CPNE4: variants seen among roughly 807,000 people sequenced by gnomAD.
CPNE4 encodes the protein copine-4.
A neutral mutation model predicts 67.9 loss-of-function variants in CPNE4; 25 were observed. That is an observed-to-expected ratio of 0.37 (90% CI 0.27 to 0.51). The LOEUF is 0.51. Among genes scored for constraint, CPNE4 ranks in the 20% least tolerant of loss-of-function variants. CPNE4 has a pLI of 0.93. For missense variants in CPNE4, 464 were observed against 690.8 expected (o/e 0.67, Z 3.68); for synonymous variants, 242 against 244.9 (o/e 0.99, Z 0.11).
At chr3:131,793,776 G>C (rs57409410) in intron 2 of CPNE4, among the ~76,000 whole-genome samples, 51,835 of 152,006 alleles carry the variant, frequency 0.34, 9,415 homozygotes, top group African/African-American at 0.45. Context: ...TTAAAGAGAA[G>C]AGAGTCAGAG....
chr3:131,781,864 C>A (rs1031460848), intron 2 of CPNE4, among the ~76,000 whole-genome samples: 2 of 151,988 alleles, frequency 1.3e-5, no homozygotes, highest in Non-Finnish European at 2.9e-5. Flanking sequence ...CACACAAAAA[C>A]CTCACCACCC....
chr3:131,906,170 A>G (rs1178063488), intron 1 of CPNE4, among the ~76,000 whole-genome samples: 3 of 151,662 alleles, frequency 2.0e-5, no homozygotes, highest in Non-Finnish European at 4.4e-5. Context: ...CCCCCTGCCC[A>G]TTTCCATGTG....
chr3:131,613,966 G>A (rs959502006), intron 7 of CPNE4, among the ~76,000 whole-genome samples: 2 of 152,176 alleles, frequency 1.3e-5, no homozygotes, highest in Non-Finnish European at 1.5e-5. Flanking sequence ...TTAATTAAGA[G>A]TTTGGTGGAT....
intron 2 of CPNE4, among the ~76,000 whole-genome samples, chr3:131,897,062 G>C (rs2088366841): frequency 6.6e-6 from 1 of 152,072 alleles, no homozygotes; most frequent in African/African-American, 2.4e-5. Context: ...CATGGTTTTA[G>C]ATGAGGACAT....
chr3:131,645,559 A>C (rs1432735204), intron 7 of CPNE4, among the ~76,000 whole-genome samples: 1 of 152,224 alleles, frequency 6.6e-6, no homozygotes, highest in African/African-American at 2.4e-5. Context: ...CCAGAGAAGT[A>C]AAGTATTTTA....
intron 7 of CPNE4, among the ~76,000 whole-genome samples, chr3:131,664,791 C>T (rs1440047146): frequency 2.0e-5 from 3 of 152,026 alleles, no homozygotes; most frequent in African/African-American, 7.2e-5. Flanking sequence ...TTATAAGGGC[C>T]TTATAAACTC....
chr3:131,821,042 C>A (rs1003562817), intron 2 of CPNE4, among the ~76,000 whole-genome samples: 2 of 152,144 alleles, frequency 1.3e-5, no homozygotes, highest in African/African-American at 4.8e-5. Context: ...ATGCCAAAAT[C>A]TTCCCACATT....
At chr3:131,542,829 G>T (rs1935583475) in intron 14 of CPNE4, 36 bp from the exon 15 acceptor site, 2 of 1,412,786 alleles carry the variant, frequency 1.4e-6, no homozygotes, top group South Asian at 1.2e-5. Flanking sequence ...GGGGGGGGGT[G>T]AAGAGGTGAG....
chr3:131,885,059 T>C (rs952178955), intron 2 of CPNE4, among the ~76,000 whole-genome samples: 1 of 152,190 alleles, frequency 6.6e-6, no homozygotes, highest in Non-Finnish European at 1.5e-5. Context: ...TGGAACAATT[T>C]GGAGTGCTCA....
At chr3:131,876,386 T>C (rs1322242555) in intron 2 of CPNE4, among the ~76,000 whole-genome samples, 1 of 151,996 alleles carries the variant, frequency 6.6e-6, no homozygotes, top group African/African-American at 2.4e-5. Context: ...CTCACGCCTG[T>C]AATCCCAGCA....
At chr3:131,984,288 T>C (rs1266996342) in intron 1 of CPNE4, among the ~76,000 whole-genome samples, 1 of 152,220 alleles carries the variant, frequency 6.6e-6, no homozygotes, top group Non-Finnish European at 1.5e-5. Context: ...TCTTTTATCA[T>C]ATTAGAATTT....
chr3:131,961,730 T>G (rs1252757376), intron 1 of CPNE4, among the ~76,000 whole-genome samples: 1 of 152,086 alleles, frequency 6.6e-6, no homozygotes, highest in Non-Finnish European at 1.5e-5. Flanking sequence ...GGGCTCATGG[T>G]CCCACATTAC....
At chr3:131,846,150 A>C (rs2085988459) in intron 2 of CPNE4, among the ~76,000 whole-genome samples, 1 of 152,186 alleles carries the variant, frequency 6.6e-6, no homozygotes, top group African/African-American at 2.4e-5. Flanking sequence ...AAAATTTCCT[A>C]TATGTAAAAA....
chr3:131,865,713 T>C (rs899635309), intron 2 of CPNE4, among the ~76,000 whole-genome samples: 1 of 152,200 alleles, frequency 6.6e-6, no homozygotes, highest in African/African-American at 2.4e-5. Context: ...CATACACATC[T>C]GTAGACTGAA....
intron 1 of CPNE4, among the ~76,000 whole-genome samples, chr3:131,936,007 C>T (rs553271816): frequency 4.6e-5 from 7 of 152,040 alleles, no homozygotes; most frequent in Non-Finnish European, 1.0e-4. Flanking sequence ...CCATAGACCT[C>T]GTCCTTTGTT....
At chr3:131,961,328 C>G (rs971148897) in intron 1 of CPNE4, among the ~76,000 whole-genome samples, 12 of 151,906 alleles carry the variant, frequency 7.9e-5, no homozygotes, top group African/African-American at 2.7e-4. Flanking sequence ...CCTCTATGAC[C>G]CTAGGCAGGT....
At chr3:131,625,081 T>C (rs549075102) in intron 7 of CPNE4, among the ~76,000 whole-genome samples, 2 of 152,272 alleles carry the variant, frequency 1.3e-5, no homozygotes, top group Non-Finnish European at 2.9e-5. Flanking sequence ...GATACCTCCA[T>C]TATTAAGCCT....
At chr3:131,597,287 A>AT (rs1185972311) in intron 7 of CPNE4, among the ~76,000 whole-genome samples, 1 of 151,796 alleles carries the variant, frequency 6.6e-6, no homozygotes, top group Non-Finnish European at 1.5e-5. Flanking sequence ...GGAGGGGAAC[A>AT]TCACACATCA....
rs778161195 is a variant in CPNE4 at position 131,542,607 on chromosome 3, G to C, written c.1489C>G (p.Pro497Ala). ...AACTGGACGATGTCTCGAAGAACAG[G>C]CTCTCCCTTGGGTGACCTCAGAATC... ...DGILRSPKGE[P>A]VLRDIVQFVP... is the part of the protein sequence containing the mutation. Residue 497 changes from proline (P) to alanine (A), a missense_variant, in exon 15 of 16, where the codon CCT becomes GCT. By Grantham distance (27) the Pro-to-Ala change is conservative (BLOSUM62 -1). This residue lies in a region of CPNE4 where 201 missense variants were observed against 357.7 expected (regional missense o/e 0.56). Transcript: ENST00000429747. The C allele has an allele frequency of 6.2e-7, 1 of 1,614,084 alleles. No homozygotes were observed. Among genetic ancestry groups the C allele is most frequent in the Middle Eastern group, 1.7e-4 (1 of 6,060 alleles).
Sources: gnomAD v4.1 joint callset for allele counts (sites outside exome capture counted in the v4.1 genomes callset) on GRCh38, gnomAD v4.1.1 for gene constraint, gnomAD v4.1.1 regional missense constraint, MANE v1.5 for transcripts, NCBI Gene and HGNC (gene_info 2026-07-23, HGNC 2026-07-21) for gene names.